Variants in SLC35D4 observed in about 807,000 individuals in gnomAD.
SLC35D4 encodes the protein solute carrier family 35 member D4, also known as UDP-N-acetylglucosamine transporter SLC35D4.
chr18:23,286,761 A>G, the SLC35D4 span, among the ~76,000 whole-genome samples: 6 of 151,960 alleles, frequency 3.9e-5, no homozygotes, highest in African/African-American at 7.2e-5. Flanking sequence ...AACTTAGACA[A>G]TACTCTTTTA....
the SLC35D4 span, among the ~76,000 whole-genome samples, chr18:23,358,901 G>C: frequency 6.6e-6 from 1 of 152,132 alleles, no homozygotes; most frequent in South Asian, 2.1e-4. Context: ...CCTAAGCAGA[G>C]AGGGTGCACG....
chr18:23,355,256 T>C, the SLC35D4 span, among the ~76,000 whole-genome samples: 1 of 152,090 alleles, frequency 6.6e-6, no homozygotes, highest in South Asian at 2.1e-4. Context: ...AGTTGCAGAT[T>C]AAAAGGGGCA....
At chr18:23,252,894 T>A in the SLC35D4 span, 1 of 1,074,360 alleles carries the variant, frequency 9.3e-7, no homozygotes, top group Non-Finnish European at 1.4e-6. Flanking sequence ...TGGTCGTAGT[T>A]GGTGCATAAT....
the SLC35D4 span, among the ~76,000 whole-genome samples, chr18:23,338,659 A>G: frequency 6.6e-6 from 1 of 152,056 alleles, no homozygotes; most frequent in Non-Finnish European, 1.5e-5. Context: ...ATTTTCACAT[A>G]TATTATCTCA....
At chr18:23,279,054 G>T in the SLC35D4 span, among the ~76,000 whole-genome samples, 3 of 151,942 alleles carry the variant, frequency 2.0e-5, no homozygotes, top group Non-Finnish European at 4.4e-5. Context: ...AAGGAGAAAG[G>T]GTTGGAGGTG....
At chr18:23,304,041 C>A in the SLC35D4 span, among the ~76,000 whole-genome samples, 1 of 121,864 alleles carries the variant, frequency 8.2e-6, no homozygotes. Flanking sequence ...CATAGAGAGG[C>A]CCTGTGTTTA....
At chr18:23,287,326 G>C in the SLC35D4 span, among the ~76,000 whole-genome samples, 2 of 151,952 alleles carry the variant, frequency 1.3e-5, no homozygotes, top group East Asian at 1.9e-4. Context: ...CTATTCCTTT[G>C]CACCCTTCAT....
At chr18:23,416,914 G>A in the SLC35D4 span, among the ~76,000 whole-genome samples, 285 of 152,240 alleles carry the variant, frequency 1.9e-3, 2 homozygotes, top group African/African-American at 6.5e-3. Flanking sequence ...AGAATCTTTG[G>A]CCAGTTCTAC....
the SLC35D4 span, chr18:23,368,827 T>C: frequency 1.1e-6 from 1 of 928,892 alleles, no homozygotes; most frequent in Non-Finnish European, 1.6e-6. Context: ...CATTGTCTTC[T>C]ACTAATAAAT....
At chr18:23,363,364 A>ATTTTT in the SLC35D4 span, among the ~76,000 whole-genome samples, 257 of 90,466 alleles carry the variant, frequency 2.8e-3, 44 homozygotes, top group African/African-American at 0.012. Context: ...ACAAAAGCAC[A>ATTTTT]TTTTTTTTTT....
At chr18:23,328,610 G>A in the SLC35D4 span, among the ~76,000 whole-genome samples, 9 of 152,082 alleles carry the variant, frequency 5.9e-5, no homozygotes, top group African/African-American at 9.7e-5. Context: ...AATCAATATC[G>A]TGAAAATGGC....
At chr18:23,282,381 C>T in the SLC35D4 span, among the ~76,000 whole-genome samples, 1 of 152,192 alleles carries the variant, frequency 6.6e-6, no homozygotes, top group East Asian at 1.9e-4. Context: ...TAACGGTAAA[C>T]CACTGCGAGT....
the SLC35D4 span, among the ~76,000 whole-genome samples, chr18:23,276,426 A>G: frequency 2.0e-5 from 3 of 149,172 alleles, no homozygotes; most frequent in Admixed American, 6.9e-5. Context: ...ATTTTACCAG[A>G]ATTTTGTTTT....
the SLC35D4 span, among the ~76,000 whole-genome samples, chr18:23,325,975 G>C: frequency 6.6e-5 from 10 of 152,232 alleles, no homozygotes; most frequent in Admixed American, 6.5e-4. Flanking sequence ...AAGGCAAGGA[G>C]TATGCATTTC....
chr18:23,241,215 AT>A, the SLC35D4 span, among the ~76,000 whole-genome samples: 869 of 149,204 alleles, frequency 5.8e-3, 3 homozygotes, highest in African/African-American at 0.02. Flanking sequence ...GTGTCAGTAG[AT>A]TTTTTTTTTT....
At chr18:23,357,584 G>A in the SLC35D4 span, among the ~76,000 whole-genome samples, 2 of 152,178 alleles carry the variant, frequency 1.3e-5, no homozygotes, top group East Asian at 1.9e-4. Flanking sequence ...TGGGGGAGAG[G>A]GCTGATTTTC....
chr18:23,391,811 C>A, the SLC35D4 span, among the ~76,000 whole-genome samples: 64 of 151,978 alleles, frequency 4.2e-4, no homozygotes, highest in African/African-American at 1.5e-3. Context: ...TATTTGGCTG[C>A]AGAAAGCTCA....
chr18:23,257,263 C>CTGAT, the SLC35D4 span: 8 of 1,612,842 alleles, frequency 5.0e-6, no homozygotes, highest in East Asian at 4.5e-5. Flanking sequence ...CAGGCGAGAA[C>CTGAT]TGATTGCCTT....
At chr18:23,415,487 C>T in the SLC35D4 span, among the ~76,000 whole-genome samples, 1 of 152,206 alleles carries the variant, frequency 6.6e-6, no homozygotes, top group Non-Finnish European at 1.5e-5. Context: ...TATAGGACTG[C>T]ATCTGAAGTC....
Sources: allele counts gnomAD v4.1 joint callset (sites outside exome capture counted in the v4.1 genomes callset), GRCh38; gene constraint gnomAD v4.1.1; transcripts MANE v1.5; gene names NCBI Gene and HGNC (gene_info 2026-07-23, HGNC 2026-07-21).